The following ITGB5 variants were observed in gnomAD, a reference collection of about 807,000 sequenced individuals.
The protein encoded by ITGB5 is integrin beta-5.
Under a neutral mutation model 84.8 loss-of-function variants are expected in ITGB5, and 38 were observed. The observed-to-expected ratio is 0.45, with a 90% CI of 0.35 to 0.59. The LOEUF is 0.59. ITGB5 is among the 20% of genes least tolerant of loss of function. The probability of loss-of-function intolerance (pLI) is 0.01; values close to 1 mark genes in which losing one functional copy is unlikely to be tolerated. For missense variants in ITGB5, 905 were observed against 1,034.5 expected (o/e 0.87, Z 1.72); for synonymous variants, 393 against 414.4 (o/e 0.95, Z 0.63).
In ITGB5 at chr3:124,796,718, C is replaced by G. The variant is rs368213828; in HGVS notation, c.1363G>C (p.Val455Leu). The G allele has an allele frequency of 3.7e-6, 6 of 1,614,160 alleles. No homozygotes were observed. In the Admixed American group the frequency reaches 1.0e-4, roughly 27 times the overall value. ...RPVGFRDSLE[V>L]GVTYNCTCGC... ...CACGTGCAGTTGTAGGTGACCCCCA[C>G]CTCCAGGCTGTCCCGGAATCCCACC... The change falls in exon 10 of 15, where the codon GTG becomes CTG. Residue 455 changes from valine (V) to leucine (L), a missense_variant. Transcript: ENST00000296181.
intron 10 of ITGB5, among the ~76,000 whole-genome samples, chr3:124,793,929 C>A (rs1048852811): frequency 6.6e-6 from 1 of 152,256 alleles, no homozygotes; most frequent in Non-Finnish European, 1.5e-5. Flanking sequence ...ACGCTTGTGT[C>A]ACGGCAAGGT....
At chr3:124,829,752 T>C (rs16836078) in intron 5 of ITGB5, among the ~76,000 whole-genome samples, 17,316 of 152,222 alleles carry the variant, frequency 0.11, 1,110 homozygotes, top group South Asian at 0.17. Flanking sequence ...TTTATTCCAT[T>C]GTCACTGTCT....
intron 1 of ITGB5, among the ~76,000 whole-genome samples, chr3:124,881,851 C>T (rs2107650924): frequency 6.6e-6 from 1 of 152,164 alleles, no homozygotes; most frequent in South Asian, 2.1e-4. Flanking sequence ...GCCTGTAATC[C>T]CAGCTACTCG....
intron 10 of ITGB5, among the ~76,000 whole-genome samples, chr3:124,794,781 C>CA (rs1282272756): frequency 2.6e-3 from 261 of 99,222 alleles, no homozygotes; most frequent in Admixed American, 4.4e-3. Context: ...GACTTCATCT[C>CA]AAAAAAAAAA....
At chr3:124,786,136 C>G (rs116065300) in intron 10 of ITGB5, among the ~76,000 whole-genome samples, 335 of 152,054 alleles carry the variant, frequency 2.2e-3, no homozygotes, top group African/African-American at 7.8e-3. Context: ...GCATGAGATG[C>G]AAAAAAATCC....
In ITGB5 at chr3:124,763,609, C is replaced by T. The variant is rs569591590; in HGVS notation, c.*14G>A. 24 of 1,522,842 alleles carry T rather than the reference C, an allele frequency of 1.6e-5. No homozygotes were observed. The highest frequency in any genetic ancestry group is 9.0e-5 in the East Asian group (4 of 44,476). 94.3% of individuals were successfully genotyped at this position (1,522,842 alleles called of 1,614,324 possible). A position where few individuals can be genotyped will look rare whatever the true frequency, so the allele number is the denominator to read the frequency against. ...TCATCAGATCCCCGCTCCAGCCCCT[C>T]GGAGAAGGAAACATCAGTCCACAGT... On this transcript the variant is annotated 3_prime_UTR_variant, in exon 15 of 15. Coordinates refer to ENST00000296181, the MANE Select transcript of ITGB5 (RefSeq NM_002213.5).
chr3:124,780,092 C>A (rs757560600), intron 10 of ITGB5, among the ~76,000 whole-genome samples: 2 of 151,936 alleles, frequency 1.3e-5, no homozygotes, highest in East Asian at 3.9e-4. Context: ...TGGCCCTCAG[C>A]GAGGCCTCTG....
chr3:124,883,862 G>A lies in ITGB5; in HGVS notation c.70+3069C>T, dbSNP rs141866643. On this transcript the variant is annotated intron_variant, in intron 1 of 14. Transcript: ENST00000296181. Reference sequence around the variant, plus strand: ...AAGACCACATCCTAGGATTCTGTCTGAAGGCTCTTGGCCATAAGATAATAA... The same window carrying A: ...AAGACCACATCCTAGGATTCTGTCTAAAGGCTCTTGGCCATAAGATAATAA... Among the ~76,000 whole-genome samples, 146 of 152,288 alleles carry A rather than the reference G, an allele frequency of 9.6e-4. 1 individual carries two copies. The highest frequency in any genetic ancestry group is 3.3e-3 in the African/African-American group (138 of 41,552).
intron 5 of ITGB5, among the ~76,000 whole-genome samples, chr3:124,827,948 C>T (rs1412386200): frequency 2.0e-5 from 3 of 151,200 alleles, no homozygotes; most frequent in Non-Finnish European, 4.4e-5. Flanking sequence ...TGTAATTTTC[C>T]ACTACCTACC....
At chr3:124,786,050 A>G (rs2064077916) in intron 10 of ITGB5, among the ~76,000 whole-genome samples, 1 of 152,198 alleles carries the variant, frequency 6.6e-6, no homozygotes. Context: ...CTGGGCTTCA[A>G]TTTTCCCCAA....
At position 124,898,643 on chromosome 3, in the gene ITGB5, C is replaced by CAAAAAAAAAAAAAAAAA. The variant is rs68025034; in HGVS notation, c.-255+2606_-255+2622dup. Among the ~76,000 whole-genome samples, 17 of 29,274 alleles carry CAAAAAAAAAAAAAAAAA rather than the reference C, an allele frequency of 5.8e-4. 2 individuals carry two copies. Among genetic ancestry groups the CAAAAAAAAAAAAAAAAA allele is most frequent in the South Asian group, 2.1e-3 (1 of 482 alleles). 19.2% of individuals were successfully genotyped at this position (29,274 alleles called of 152,430 possible). A position where few individuals can be genotyped will look rare whatever the true frequency, so the allele number is the denominator to read the frequency against. ...TAGGCGACACAGCGAGACTCCGTCT[C>CAAAAAAAAAAAAAAAAA]AAAAAAAAAAAAAAAAAAAAAAAAA... On this transcript the variant is annotated intron_variant, in intron 1 of 4. Transcript: ENST00000608657.
At chr3:124,891,575 C>A (rs1250889651), upstream of ITGB5, among the ~76,000 whole-genome samples, 2 of 127,510 alleles carry the variant, frequency 1.6e-5, no homozygotes, top group African/African-American at 6.2e-5. Context: ...AGCTATGCGA[C>A]AGAGTGCATA....
chr3:124,799,499 G>A (rs1220041685), intron 9 of ITGB5, among the ~76,000 whole-genome samples: 1 of 152,184 alleles, frequency 6.6e-6, no homozygotes, highest in Non-Finnish European at 1.5e-5. Context: ...GGGGGAGGTT[G>A]CAGTGAGCCG....
chr3:124,826,064 G>A (rs983572473), intron 5 of ITGB5, among the ~76,000 whole-genome samples: 2 of 152,176 alleles, frequency 1.3e-5, no homozygotes, highest in Non-Finnish European at 2.9e-5. Flanking sequence ...GTTATAGTGT[G>A]ATTACAAACT....
chr3:124,843,730 C>A (rs1380662671), intron 4 of ITGB5, among the ~76,000 whole-genome samples: 1 of 152,148 alleles, frequency 6.6e-6, no homozygotes, highest in Non-Finnish European at 1.5e-5. Flanking sequence ...GTCTGAGTGG[C>A]CTGAAGATCC....
At chr3:124,823,554 A>G (rs1208992725) in intron 5 of ITGB5, among the ~76,000 whole-genome samples, 2 of 151,110 alleles carry the variant, frequency 1.3e-5, no homozygotes, top group African/African-American at 2.4e-5. Flanking sequence ...GGGGTCACAA[A>G]GAGGCTTTCA....
intron 4 of ITGB5, among the ~76,000 whole-genome samples, chr3:124,846,454 A>C (rs964183798): frequency 6.6e-5 from 10 of 151,852 alleles, no homozygotes; most frequent in African/African-American, 2.2e-4. Context: ...CAAAAAAAAA[A>C]CGTTCATTGT....
At chr3:124,896,916 C>CAAAA (rs5852431) in intron 1 of ITGB5, among the ~76,000 whole-genome samples, 3 of 137,552 alleles carry the variant, frequency 2.2e-5, no homozygotes, top group African/African-American at 8.1e-5. Flanking sequence ...AAAGAAAAGC[C>CAAAA]AAAAAAAAAA....
rs1232691429 is a variant in ITGB5, at chr3:124,887,064, TGGGGCCGGAGCGCG to T, written c.-78_-65del. 7.9e-6 allele frequency: 6 copies of T among 761,220 alleles called. No individual in the cohort carries two copies. The highest frequency in any genetic ancestry group is 8.0e-6 in the Non-Finnish European group (5 of 622,920). 47.2% of individuals were successfully genotyped at this position (761,220 alleles called of 1,614,324 possible). ...CTCCGCGGGGGCCGGCGGCCGGGGC[TGGGGCCGGAGCGCG>T]GGGGCCGAGGGCCGGGGGCCGCAGC... On this transcript the variant is annotated 5_prime_UTR_variant, in exon 1 of 15. It removes the in-frame stop codon of an upstream open reading frame in the 5' UTR. Transcript: ENST00000296181.
Sources: allele counts gnomAD v4.1 joint callset (sites outside exome capture counted in the v4.1 genomes callset), GRCh38; gene constraint gnomAD v4.1.1; transcripts MANE v1.5; gene names NCBI Gene and HGNC (gene_info 2026-07-23, HGNC 2026-07-21).